The following CASTOR2 variants were observed in gnomAD, a reference collection of about 807,000 sequenced individuals.
CASTOR2 encodes GATS protein like 2.
In CASTOR2, 8 loss-of-function variants were observed where a neutral mutation model predicts 31.2. The observed-to-expected ratio is 0.26, with a 90% confidence interval of 0.15 to 0.46. The LOEUF (loss-of-function observed/expected upper bound fraction) is 0.46. CASTOR2 is among the 20% of genes least tolerant of loss of function. The pLI is 0.99. For missense variants in CASTOR2, 216 were observed against 382.1 expected (o/e 0.57, Z 3.62); for synonymous variants, 162 against 158.7 (o/e 1.02, Z -0.16).
At chr7:75,008,141 GTCCCCCGCCCAC>G in intron 2 of CASTOR2, 77 bp downstream of exon 2, 2 of 1,473,684 alleles carry the variant, frequency 1.4e-6, no homozygotes, top group African/African-American at 4.2e-5. Context: ...CCTTATTTCT[GTCCCCCGCCCAC>G]CTCCTTATTT....
Position 75,024,491 on chromosome 7 carries a change from TC to T in CASTOR2, c.884del (p.Pro295GlnfsTer27). On this transcript the variant is annotated frameshift_variant, in exon 8 of 9. Transcript: ENST00000616305. LOFTEE classifies it high-confidence loss of function. ...QISEPLAAAD[I>X]PAYYISTFKF... is the part of the protein sequence containing the mutation. Reference sequence around the variant, plus strand: ...TCAGAGCCCTTGGCTGCTGCAGACATCCCAGCCTACTACATCAGTACTTTCA... The same window carrying T: ...TCAGAGCCCTTGGCTGCTGCAGACATCCAGCCTACTACATCAGTACTTTCA... The T allele has an allele frequency of 6.4e-7, 1 of 1,551,458 alleles. No individual in the cohort carries two copies.
chr7:75,004,575 T>A (rs1185008754), intron 1 of CASTOR2, among the ~76,000 whole-genome samples: 8 of 151,294 alleles, frequency 5.3e-5, no homozygotes, highest in Non-Finnish European at 1.2e-4. Context: ...GCCTCCCAAG[T>A]GGCTGGGATT....
intron 1 of CASTOR2, among the ~76,000 whole-genome samples, chr7:74,999,026 C>T (rs1291096155): frequency 2.0e-5 from 3 of 151,822 alleles, no homozygotes; most frequent in African/African-American, 4.8e-5. Context: ...GATGGAGTCT[C>T]GCTCTGTTGC....
In CASTOR2 at chr7:75,025,199, C is replaced by T. The variant is rs1805093851; in HGVS notation, c.*500C>T. On this transcript the variant is annotated 3_prime_UTR_variant, in exon 9 of 9. Coordinates refer to ENST00000616305, the MANE Select transcript of CASTOR2 (RefSeq NM_001145064.3). ...GCTTCCATCAGCTCAGGGCTGGTTC[C>T]CTCGGAGTGGAGGCCAGCGTGGCCC... 6.6e-6 allele frequency among the ~76,000 whole-genome samples: 1 copy of T among 152,210 alleles called. No individual in the cohort carries two copies. Among genetic ancestry groups the T allele is most frequent in the Admixed American group, 6.5e-5 (1 of 15,284 alleles).
chr7:75,001,404 T>A (rs1804492850), intron 1 of CASTOR2, among the ~76,000 whole-genome samples: 1 of 152,152 alleles, frequency 6.6e-6, no homozygotes, highest in Non-Finnish European at 1.5e-5. Flanking sequence ...TTAACAGCAC[T>A]TAGCACCCAC....
At chr7:75,013,614 G>T (rs1428484890) in intron 2 of CASTOR2, among the ~76,000 whole-genome samples, 5 of 152,206 alleles carry the variant, frequency 3.3e-5, no homozygotes, top group Middle Eastern at 3.4e-3. Flanking sequence ...CTGCACTCCA[G>T]CCTGGGTGAT....
chr7:74,986,496 A>C (rs1297012716), intron 1 of CASTOR2, among the ~76,000 whole-genome samples: 3 of 151,776 alleles, frequency 2.0e-5, no homozygotes, highest in Non-Finnish European at 2.9e-5. Flanking sequence ...TCTCAAAAAA[A>C]AAAAAAAAGA....
chr7:75,007,415 G>T (rs1804632189), intron 1 of CASTOR2, among the ~76,000 whole-genome samples: 1 of 152,160 alleles, frequency 6.6e-6, no homozygotes, highest in Non-Finnish European at 1.5e-5. Flanking sequence ...CAGAGATGAT[G>T]TGAGGTGGGG....
chr7:74,971,910 C>T (rs1487881451), intron 1 of CASTOR2, among the ~76,000 whole-genome samples: 4 of 145,930 alleles, frequency 2.7e-5, no homozygotes, highest in African/African-American at 1.0e-4. Context: ...CCTGGCTTAC[C>T]CCAACCCCTC....
intron 1 of CASTOR2, among the ~76,000 whole-genome samples, chr7:75,003,173 G>A (rs1243762886): frequency 3.9e-5 from 6 of 152,164 alleles, no homozygotes; most frequent in South Asian, 2.1e-4. Flanking sequence ...TGGGCTGGGC[G>A]CAGTGACTCA....
chr7:74,986,065 C>A (rs1345251432), intron 1 of CASTOR2, among the ~76,000 whole-genome samples: 9 of 152,054 alleles, frequency 5.9e-5, no homozygotes, highest in Middle Eastern at 3.2e-3. Context: ...GTAGCTGCAA[C>A]TACAGGCGCG....
intron 1 of CASTOR2, among the ~76,000 whole-genome samples, chr7:74,984,860 A>G (rs1804026830): frequency 6.6e-6 from 1 of 152,148 alleles, no homozygotes; most frequent in East Asian, 1.9e-4. Flanking sequence ...ACTTGGGCAC[A>G]GTGGCTCACA....
At position 74,993,006 on chromosome 7, in the gene CASTOR2, C is replaced by T. The variant is rs1475896339; in HGVS notation, c.114-14988C>T. 1.6e-3 allele frequency among the ~76,000 whole-genome samples: 243 copies of T among 151,836 alleles called. 1 individual carries two copies. Among genetic ancestry groups the T allele is most frequent in the African/African-American group, 5.7e-3 (236 of 41,400 alleles). ...ATGAGGTCAAGAGATCAAGACTATCCTGGCCAACATGGTGAAACTCCATCT... is the reference window on the plus strand; with the variant it reads ...ATGAGGTCAAGAGATCAAGACTATCTTGGCCAACATGGTGAAACTCCATCT... On this transcript the variant is annotated intron_variant, in intron 1 of 8. Transcript: ENST00000616305.
Position 75,021,966 on chromosome 7 carries a change from G to A in CASTOR2, c.829+10G>A. ...CAGCCCCTGGGGTTTGGTGAGTCCT[G>A]GGGGGATTACATGGGGAATTGAGGG... On this transcript the variant is annotated intron_variant, in intron 7 of 8. Transcript: ENST00000616305. 2 of 1,551,566 alleles carry A rather than the reference G, an allele frequency of 1.3e-6. No individual in the cohort carries two copies. Among genetic ancestry groups the A allele is most frequent in the East Asian group, 2.4e-5 (1 of 40,910 alleles).
intron 7 of CASTOR2, 129 bp from the exon 8 acceptor site, chr7:75,024,311 A>C: frequency 1.1e-6 from 1 of 923,556 alleles, no homozygotes; most frequent in Non-Finnish European, 1.7e-6. Context: ...AAGGGATAGC[A>C]GATGGGAATT....
intron 1 of CASTOR2, among the ~76,000 whole-genome samples, chr7:74,998,215 C>A (rs1407369367): frequency 7.2e-5 from 11 of 152,198 alleles, no homozygotes; most frequent in Admixed American, 3.9e-4. Context: ...ACAGCACATT[C>A]ATTAAGGTCA....
intron 6 of CASTOR2, 83 bp from the exon 7 acceptor site, chr7:75,021,791 C>T (rs1371243802): frequency 9.2e-5 from 139 of 1,512,632 alleles, no homozygotes; most frequent in East Asian, 1.5e-4. Context: ...CCCCATGCCT[C>T]GCTCTGGCTG....
At chr7:74,997,737 GTTTTTTTT>G (rs1249196075) in intron 1 of CASTOR2, among the ~76,000 whole-genome samples, 1 of 142,624 alleles carries the variant, frequency 7.0e-6, no homozygotes, top group African/African-American at 2.6e-5. Flanking sequence ...AGGTGTTTTT[GTTTTTTTT>G]TTTTAATCAT....
At chr7:74,998,063 C>T (rs1170889017) in intron 1 of CASTOR2, among the ~76,000 whole-genome samples, 12 of 152,074 alleles carry the variant, frequency 7.9e-5, no homozygotes, top group South Asian at 2.1e-4. Context: ...AGTCATGGGG[C>T]GTATGCTACA....
Sources: allele counts gnomAD v4.1 joint callset (sites outside exome capture counted in the v4.1 genomes callset), GRCh38; gene constraint gnomAD v4.1.1; transcripts MANE v1.5; gene names NCBI Gene and HGNC (gene_info 2026-07-23, HGNC 2026-07-21).